DHX8: variants seen among roughly 807,000 people sequenced by gnomAD.
The protein encoded by DHX8 is DEAH-box helicase 8.
A neutral mutation model predicts 140.7 loss-of-function variants in DHX8; 67 were observed. The ratio of observed to expected loss-of-function variants is 0.48; its 90% CI spans 0.39 to 0.58. The LOEUF is 0.58. Ranked by LOEUF, DHX8 falls within the 20% of genes least tolerant of loss-of-function variation. DHX8 has a pLI of 0.00. For missense variants in DHX8, 887 were observed against 1,550.7 expected (o/e 0.57, Z 7.19); for synonymous variants, 533 against 553.2 (o/e 0.96, Z 0.51).
chr17:43,488,655 T>G (rs1481954412), intron 1 of DHX8, among the ~76,000 whole-genome samples: 1 of 151,688 alleles, frequency 6.6e-6, no homozygotes, highest in Non-Finnish European at 1.5e-5. Context: ...GGAGAAAAAT[T>G]TGGCAAAAAA....
Position 43,520,180 on chromosome 17 carries a change from T to G in DHX8, c.2850T>G (p.Pro950=), listed in dbSNP as rs200286345. ...LLSFDFMDAP[P]METLITAMEQ... The stretch of plus-strand genomic sequence containing the variant: ...CCTTTGATTTCATGGATGCCCCACC[T>G]ATGGAAACTTTGATCACAGCCATGG... The change falls in exon 19 of 23, where the codon CCT becomes CCG. Residue 950 remains proline, a synonymous_variant. Coordinates refer to ENST00000262415, the MANE Select transcript of DHX8 (RefSeq NM_004941.3). 1.8e-4 allele frequency: 290 copies of G among 1,614,152 alleles called. 3 individuals are homozygous for G. Among genetic ancestry groups the G allele is most frequent in the South Asian group, 1.4e-3 (128 of 91,074 alleles).
At chr17:43,489,686 G>A in intron 2 of DHX8, 152 bp downstream of exon 2, 1 of 538,372 alleles carries the variant, frequency 1.9e-6, no homozygotes, top group Non-Finnish European at 3.3e-6. Context: ...CGCCTCCCGG[G>A]TTCACGCCAT....
intron 21 of DHX8, 65 bp from the exon 22 acceptor site, chr17:43,521,982 C>T: frequency 6.4e-7 from 1 of 1,553,902 alleles, no homozygotes. Flanking sequence ...GTGTTGGGCA[C>T]TGTCATTGTG....
In DHX8 at chr17:43,523,916, G is replaced by C; in HGVS notation, c.*69G>C. ...GCTTGGACTTATCGATGACAGGCTG[G>C]TCCTGAGGATACAGCTGTCCCGTGA... On this transcript the variant is annotated 3_prime_UTR_variant, in exon 23 of 23. Transcript: ENST00000262415. The C allele has an allele frequency of 6.3e-7, 1 of 1,593,244 alleles. No individual in the cohort carries two copies. The highest frequency in any genetic ancestry group is 8.6e-7 in the Non-Finnish European group (1 of 1,169,022).
chr17:43,536,462 C>T, exon 3 of DHX8: 2 of 1,614,230 alleles, frequency 1.2e-6, no homozygotes, highest in Non-Finnish European at 1.7e-6. Context: ...AACTGCTCAT[C>T]ACTGTCTGGT....
chr17:43,543,296 T>TCTCTCTCTCTCTCTCTCTCTCA lies in DHX8; in HGVS notation c.*21-865_*21-864insTCTCTCTCTCTCTCTCTCTCAC, dbSNP rs888736657. Among the ~76,000 whole-genome samples the TCTCTCTCTCTCTCTCTCTCTCA allele has an allele frequency of 6.3e-3, 908 of 143,380 alleles. 5 individuals are homozygous for TCTCTCTCTCTCTCTCTCTCTCA. Among genetic ancestry groups the TCTCTCTCTCTCTCTCTCTCTCA allele is most frequent in the South Asian group, 0.012 (54 of 4,336 alleles). The allele number at this position is 143,380 out of a possible 152,430, so 94.1% of individuals were successfully genotyped here. A position where few individuals can be genotyped will look rare whatever the true frequency, so the allele number is the denominator to read the frequency against. On this transcript the variant is annotated intron_variant, in intron 3 of 3. Coordinates refer to the DHX8 transcript ENST00000589898. ...CACACACTCTCTCTCTCTCTCTCTC[T>TCTCTCTCTCTCTCTCTCTCTCA]CACACACACACTTGCTGTCACACCG...
intron 11 of DHX8, among the ~76,000 whole-genome samples, chr17:43,503,279 C>T (rs1201134069): frequency 6.6e-6 from 1 of 152,090 alleles, no homozygotes; most frequent in Non-Finnish European, 1.5e-5. Flanking sequence ...GGGTGGATCA[C>T]CTGAGGTCAG....
At chr17:43,490,187 C>T (rs1790067452) in intron 2 of DHX8, among the ~76,000 whole-genome samples, 1 of 152,140 alleles carries the variant, frequency 6.6e-6, no homozygotes, top group South Asian at 2.1e-4. Context: ...CTTTTCTCCC[C>T]AAAGAGTCCT....
chr17:43,488,134 C>T (rs1371680345), intron 1 of DHX8, among the ~76,000 whole-genome samples: 1 of 151,948 alleles, frequency 6.6e-6, no homozygotes, highest in Non-Finnish European at 1.5e-5. Flanking sequence ...AAAAATTAGC[C>T]GGTCATGGTG....
intron 3 of DHX8, 110 bp from the exon 4 acceptor site, chr17:43,491,055 T>C (rs1968489908): frequency 6.4e-6 from 3 of 471,566 alleles, no homozygotes; most frequent in Non-Finnish European, 1.1e-5. Flanking sequence ...AAATGCCATG[T>C]TCTGTTTCAG....
intron 10 of DHX8, 36 bp from the exon 11 acceptor site, chr17:43,499,920 A>G: frequency 1.2e-6 from 2 of 1,610,556 alleles, no homozygotes; most frequent in Non-Finnish European, 1.7e-6. Flanking sequence ...TTTCCCGGAC[A>G]TTTAATCCAT....
At chr17:43,508,184 A>G (rs1969598186) in intron 15 of DHX8, among the ~76,000 whole-genome samples, 155 bp from the exon 16 acceptor site, 2 of 152,242 alleles carry the variant, frequency 1.3e-5, no homozygotes, top group Admixed American at 6.5e-5. Flanking sequence ...GGTGGTTATA[A>G]TGTCATATAT....
intron 9 of DHX8, 112 bp downstream of exon 9, chr17:43,496,380 C>T (rs1005309259): frequency 3.0e-6 from 2 of 672,440 alleles, no homozygotes; most frequent in Non-Finnish European, 5.1e-6. Flanking sequence ...TTGGATCTCA[C>T]TACTCATCTC....
chr17:43,514,514 G>T (rs766654910), intron 17 of DHX8, among the ~76,000 whole-genome samples: 5 of 151,772 alleles, frequency 3.3e-5, no homozygotes, highest in Non-Finnish European at 7.4e-5. Flanking sequence ...TGATTTTCTG[G>T]TTTTTTGGTA....
Position 43,524,175 on chromosome 17 carries a change from G to A in DHX8, c.*328G>A. 8.3e-7 allele frequency: 1 copy of A among 1,202,488 alleles called. No individual in the cohort carries two copies. The highest frequency in any genetic ancestry group is 1.0e-6 in the Non-Finnish European group (1 of 956,742). The allele number at this position is 1,202,488 out of a possible 1,614,324, so 74.5% of individuals were successfully genotyped here. A position where few individuals can be genotyped will look rare whatever the true frequency, so the allele number is the denominator to read the frequency against. Reference sequence around the variant, plus strand: ...AAGGTGGAGTGGGTGAGCATCTTGTGCAGGGACATGGTGAGTGCCCTGATG... The same window carrying A: ...AAGGTGGAGTGGGTGAGCATCTTGTACAGGGACATGGTGAGTGCCCTGATG... On this transcript the variant is annotated 3_prime_UTR_variant, in exon 23 of 23. Coordinates refer to ENST00000262415, the MANE Select transcript of DHX8 (RefSeq NM_004941.3).
chr17:43,522,278 T>G, intron 22 of DHX8, 52 bp downstream of exon 22: 1 of 1,540,350 alleles, frequency 6.5e-7, no homozygotes, highest in Middle Eastern at 2.0e-4. Context: ...GAGAAAAACC[T>G]GTAAATTTCC....
intron 2 of DHX8, chr17:43,534,079 G>C: frequency 7.6e-7 from 1 of 1,313,124 alleles, no homozygotes; most frequent in Non-Finnish European, 9.8e-7. Flanking sequence ...GGACCAGCTG[G>C]GTGACTGGTA....
intron 20 of DHX8, 137 bp from the exon 21 acceptor site, chr17:43,521,232 G>A: frequency 1.4e-6 from 1 of 735,164 alleles, no homozygotes. Flanking sequence ...CAAAATGCTG[G>A]GATTACAGGC....
In DHX8 at chr17:43,524,527, G is replaced by A. The variant is rs1011739703; in HGVS notation, c.*680G>A. 1.0e-6 allele frequency: 1 copy of A among 986,540 alleles called. No homozygotes were observed. The highest frequency in any genetic ancestry group is 1.2e-6 in the Non-Finnish European group (1 of 830,952). The allele number at this position is 986,540 out of a possible 1,614,324, so 61.1% of individuals were successfully genotyped here. A position where few individuals can be genotyped will look rare whatever the true frequency, so the allele number is the denominator to read the frequency against. The stretch of plus-strand genomic sequence containing the variant: ...GTCTTTCAGCATCAGCACTAGCCGG[G>A]CCGTGCTGGGGGATCACCCGATGAT... On this transcript the variant is annotated 3_prime_UTR_variant, in exon 23 of 23. Transcript: ENST00000262415.
Sources: allele counts gnomAD v4.1 joint callset (sites outside exome capture counted in the v4.1 genomes callset), GRCh38; gene constraint gnomAD v4.1.1; transcripts MANE v1.5; gene names NCBI Gene and HGNC (gene_info 2026-07-23, HGNC 2026-07-21).